The following KCNJ16 variants were observed in gnomAD, a reference collection of about 807,000 sequenced individuals.
The protein encoded by KCNJ16 is inward rectifier potassium channel 16.
Under a neutral mutation model 18.5 loss-of-function variants are expected in KCNJ16, and 15 were observed. The observed-to-expected ratio is 0.81, with a 90% CI of 0.54 to 1.25. The LOEUF is 1.25. Ranked by LOEUF, KCNJ16 falls within the 50% of genes most tolerant of loss-of-function variation. The pLI is 0.00. For synonymous variants in KCNJ16, 174 were observed against 186.5 expected (o/e 0.93, Z 0.55); for missense variants, 523 against 525.7 (o/e 0.99, Z 0.05).
At chr17:70,119,522 A>G (rs1462037686) in intron 2 of KCNJ16, among the ~76,000 whole-genome samples, 1 of 152,226 alleles carries the variant, frequency 6.6e-6, no homozygotes, top group Admixed American at 6.5e-5. Flanking sequence ...ACCAAGCCTC[A>G]TAACTCTTGC....
chr17:70,120,980 G>A (rs900434480), intron 2 of KCNJ16, among the ~76,000 whole-genome samples: 2 of 152,094 alleles, frequency 1.3e-5, no homozygotes, highest in African/African-American at 2.4e-5. Flanking sequence ...AAGAGAGTGG[G>A]GATGCAGACA....
chr17:70,112,940 C>T (rs1030498970), intron 2 of KCNJ16, among the ~76,000 whole-genome samples: 1 of 152,076 alleles, frequency 6.6e-6, no homozygotes, highest in African/African-American at 2.4e-5. Flanking sequence ...GATTATCTGC[C>T]GGATGAATTA....
Position 70,078,908 on chromosome 17 carries a change from C to T in KCNJ16, c.-300+3518C>T, listed in dbSNP as rs1469264720. ...GCTTGTGGAATTCAGAACTTTTAGACACTGAAATATCATTTTCACTATGAA... is the reference window on the plus strand; with the variant it reads ...GCTTGTGGAATTCAGAACTTTTAGATACTGAAATATCATTTTCACTATGAA... On this transcript the variant is annotated intron_variant, in intron 1 of 3. Coordinates refer to ENST00000392671, the MANE Select transcript of KCNJ16 (RefSeq NM_170741.4). Among the ~76,000 whole-genome samples, 4 of 152,280 alleles carry T rather than the reference C, an allele frequency of 2.6e-5. No individual in the cohort carries two copies. In the East Asian group the frequency reaches 7.7e-4, roughly 29 times the overall value.
chr17:70,091,767 T>C (rs1384558014), intron 1 of KCNJ16, among the ~76,000 whole-genome samples: 1 of 152,216 alleles, frequency 6.6e-6, no homozygotes, highest in East Asian at 1.9e-4. Context: ...TTGAACTGAA[T>C]ACATACCCTT....
At chr17:70,125,654 G>C (rs374866196) in intron 2 of KCNJ16, among the ~76,000 whole-genome samples, 2 of 152,338 alleles carry the variant, frequency 1.3e-5, no homozygotes, top group East Asian at 1.9e-4. Flanking sequence ...GAATGGGCCA[G>C]GTGCCGTGGC....
At chr17:70,128,997 T>C (rs1462187269) in intron 2 of KCNJ16, 1 of 152,292 alleles carries the variant, frequency 6.6e-6, no homozygotes. Flanking sequence ...CGGGTACGTG[T>C]CTTCCGGGCA....
At chr17:70,103,284 A>ATGTGTGTGTGTG (rs1426685277) in intron 2 of KCNJ16, among the ~76,000 whole-genome samples, 424 of 15,182 alleles carry the variant, frequency 0.028, 3 homozygotes, top group African/African-American at 0.1. Flanking sequence ...TAATATGCAT[A>ATGTGTGTGTGTG]TATGTGTGTG....
At chr17:70,117,811 T>C (rs1276956478) in intron 2 of KCNJ16, among the ~76,000 whole-genome samples, 1 of 152,196 alleles carries the variant, frequency 6.6e-6, no homozygotes, top group Non-Finnish European at 1.5e-5. Flanking sequence ...ATGGCCCTCG[T>C]GGAGCTTACA....
chr17:70,121,611 G>C (rs572693464), intron 2 of KCNJ16, among the ~76,000 whole-genome samples: 17 of 152,128 alleles, frequency 1.1e-4, no homozygotes, highest in Admixed American at 2.0e-4. Flanking sequence ...AGAGTTTTAA[G>C]CAAAGAGTGA....
intron 2 of KCNJ16, among the ~76,000 whole-genome samples, chr17:70,120,315 T>A (rs574257852): frequency 7.4e-4 from 112 of 152,316 alleles, no homozygotes; most frequent in African/African-American, 1.9e-3. Context: ...TTCTGTCTTC[T>A]TCTGAGTCCT....
chr17:70,130,451 A>T (rs1276264702), intron 2 of KCNJ16, among the ~76,000 whole-genome samples: 1 of 152,204 alleles, frequency 6.6e-6, no homozygotes, highest in Admixed American at 6.5e-5. Context: ...GTGCAGGCAG[A>T]TAGAGGACAG....
chr17:70,125,793 G>A (rs759694466), intron 2 of KCNJ16, among the ~76,000 whole-genome samples: 12 of 152,090 alleles, frequency 7.9e-5, no homozygotes, highest in African/African-American at 1.9e-4. Context: ...TTAGCTGGGC[G>A]TGCTGGCAGG....
chr17:70,078,877 G>A (rs9911316), intron 1 of KCNJ16, among the ~76,000 whole-genome samples: 136,455 of 152,182 alleles, frequency 0.9, 61,295 homozygotes, highest in East Asian at 1. Flanking sequence ...ATATTGTCCT[G>A]CGTGTGCTTG....
intron 2 of KCNJ16, among the ~76,000 whole-genome samples, chr17:70,129,215 T>C (rs2073973199): frequency 6.6e-6 from 1 of 152,162 alleles, no homozygotes; most frequent in Admixed American, 6.5e-5. Context: ...AAATGCTTTC[T>C]CATGGCGGAA....
At chr17:70,104,503 G>A (rs1428879414) in intron 2 of KCNJ16, among the ~76,000 whole-genome samples, 1 of 152,186 alleles carries the variant, frequency 6.6e-6, no homozygotes, top group Non-Finnish European at 1.5e-5. Context: ...GTCAGACAAA[G>A]TGTGCATTTG....
At chr17:70,087,610 G>C (rs900619242) in intron 1 of KCNJ16, among the ~76,000 whole-genome samples, 11 of 152,116 alleles carry the variant, frequency 7.2e-5, no homozygotes, top group African/African-American at 2.7e-4. Flanking sequence ...GGGAGGTTGA[G>C]ACAGGAGAAT....
At position 70,135,237 on chromosome 17, in the gene KCNJ16, C is replaced by A. The variant is rs1219852566; in HGVS notation, c.*1893C>A. 1 of 166,928 alleles carries A rather than the reference C, an allele frequency of 6.0e-6. No homozygotes were observed. The highest frequency in any genetic ancestry group is 6.5e-5 in the Admixed American group (1 of 15,280). The allele number at this position is 166,928 out of a possible 1,614,324, so 10.3% of individuals were successfully genotyped here. On this transcript the variant is annotated 3_prime_UTR_variant, in exon 4 of 4. Transcript: ENST00000392671. ...TCTGTAGATTTGGATTTTACAGCAG[C>A]AATTACTTGGCTAAATTAGAGTACT... is the stretch of plus-strand genomic sequence containing the variant.
intron 1 of KCNJ16, among the ~76,000 whole-genome samples, chr17:70,092,832 C>G (rs2072186274): frequency 6.6e-6 from 1 of 152,120 alleles, no homozygotes; most frequent in African/African-American, 2.4e-5. Context: ...GCCCCATCTC[C>G]AGAAAAAGGA....
chr17:70,106,599 A>C (rs1314042555), intron 2 of KCNJ16, among the ~76,000 whole-genome samples: 1 of 152,202 alleles, frequency 6.6e-6, no homozygotes, highest in African/African-American at 2.4e-5. Context: ...TGTGATGAGG[A>C]AGATGGGATA....
Sources: allele counts gnomAD v4.1 joint callset (sites outside exome capture counted in the v4.1 genomes callset), GRCh38; gene constraint gnomAD v4.1.1; transcripts MANE v1.5; gene names NCBI Gene and HGNC (gene_info 2026-07-23, HGNC 2026-07-21).